Variants in AGBL2 observed in about 807,000 individuals in gnomAD.
AGBL2 encodes the protein AGBL carboxypeptidase 2.
Under a neutral mutation model 103.0 loss-of-function variants are expected in AGBL2, and 87 were observed. The observed-to-expected ratio is 0.84, with a 90% CI of 0.71 to 1.01. AGBL2 has a LOEUF of 1.01. Ranked by LOEUF, AGBL2 falls within the 50% of genes least tolerant of loss-of-function variation. AGBL2 has a pLI of 0.00. For missense variants in AGBL2, 904 were observed against 1,023.5 expected (o/e 0.88, Z 1.59); for synonymous variants, 335 against 356.7 (o/e 0.94, Z 0.69).
chr11:47,677,438 A>G lies in AGBL2; in HGVS notation c.2017-37T>C, dbSNP rs370083236. ...AAAAAAAGAACTATTTTGTTAATTC[A>G]TTTTATTTTATTTATTTATTATTAT... On this transcript the variant is annotated intron_variant, in intron 13 of 18. Coordinates refer to ENST00000525123, the MANE Select transcript of AGBL2 (RefSeq NM_024783.4). 1.7e-5 allele frequency: 22 copies of G among 1,277,514 alleles called. No individual in the cohort carries two copies. In the African/African-American group the frequency reaches 3.3e-4, roughly 19 times the overall value. The allele number at this position is 1,277,514 out of a possible 1,614,324, so 79.1% of individuals were successfully genotyped here.
Position 47,705,641 on chromosome 11 carries a change from C to CAAAA in AGBL2, c.287-11_287-8dup, listed in dbSNP as rs71228117. 396 of 412,462 alleles carry CAAAA rather than the reference C, an allele frequency of 9.6e-4. No individual in the cohort carries two copies. Among genetic ancestry groups the CAAAA allele is most frequent in the East Asian group, 6.3e-3 (163 of 25,778 alleles). 25.6% of individuals were successfully genotyped at this position (412,462 alleles called of 1,614,324 possible). ...CCCAGGCAAGAGTGAAAGTCTGTGT[C>CAAAA]AAAAAAAAAAAAAAAAGAAAAAGAA... On this transcript the variant is annotated splice_polypyrimidine_tract_variant and splice_region_variant and intron_variant, in intron 5 of 18. Transcript: ENST00000525123.
chr11:47,663,968 C>A (rs1440356250), intron 17 of AGBL2, among the ~76,000 whole-genome samples: 2 of 152,098 alleles, frequency 1.3e-5, no homozygotes, highest in Non-Finnish European at 2.9e-5. Flanking sequence ...GATTCTCCTG[C>A]CTCAGACTCC....
At chr11:47,672,557 C>T (rs946895912) in intron 14 of AGBL2, among the ~76,000 whole-genome samples, 1 of 152,088 alleles carries the variant, frequency 6.6e-6, no homozygotes, top group Non-Finnish European at 1.5e-5. Context: ...TAAAGTGATC[C>T]GCCCATCTTG....
intron 14 of AGBL2, among the ~76,000 whole-genome samples, chr11:47,676,313 A>G (rs2097374459): frequency 6.6e-6 from 1 of 152,126 alleles, no homozygotes; most frequent in South Asian, 2.1e-4. Flanking sequence ...ATTTCAAAAT[A>G]TATCTAGAAT....
intron 13 of AGBL2, among the ~76,000 whole-genome samples, chr11:47,678,131 T>G (rs2153803404): frequency 6.7e-6 from 1 of 149,536 alleles, no homozygotes; most frequent in South Asian, 2.1e-4. Context: ...GCCCAGCTAA[T>G]TTTTGTATTT....
chr11:47,678,322 T>TA (rs1337716031), intron 13 of AGBL2, among the ~76,000 whole-genome samples: 18 of 134,436 alleles, frequency 1.3e-4, no homozygotes, highest in South Asian at 5.7e-4. Context: ...TTTATTTTAT[T>TA]TTATTTTATT....
At chr11:47,699,618 TATAAA>T (rs2097490232) in intron 7 of AGBL2, 65 bp from the exon 8 acceptor site, 2 of 821,516 alleles carry the variant, frequency 2.4e-6, no homozygotes, top group African/African-American at 1.8e-5. Flanking sequence ...TCAGAACTAA[TATAAA>T]ATAATAATAA....
intron 13 of AGBL2, among the ~76,000 whole-genome samples, chr11:47,677,898 A>AT (rs961780993): frequency 3.9e-5 from 6 of 152,072 alleles, no homozygotes; most frequent in African/African-American, 1.4e-4. Context: ...ACAAATAGAA[A>AT]TTTTTTTAGG....
At chr11:47,691,873 T>C (rs1446852006) in intron 9 of AGBL2, among the ~76,000 whole-genome samples, 1 of 149,558 alleles carries the variant, frequency 6.7e-6, no homozygotes, top group African/African-American at 2.5e-5. Flanking sequence ...ATATTTTTAC[T>C]AATACAAATT....
At position 47,667,477 on chromosome 11, in the gene AGBL2, T is replaced by G. The variant is rs149671966; in HGVS notation, c.2340+94A>C. 1.4e-4 allele frequency: 208 copies of G among 1,443,584 alleles called. 3 individuals are homozygous for G. The African/African-American group carries it at 2.5e-3, about 17-fold the overall frequency. 89.4% of individuals were successfully genotyped at this position (1,443,584 alleles called of 1,614,324 possible). On this transcript the variant is annotated intron_variant, in intron 16 of 18. Transcript: ENST00000525123. ...CCCTCTGCCCCAATCTCCATCCCCT[T>G]TTTGGTTTAGAGTAAACTTTAACCC...
rs1599138730 is a variant in AGBL2 at position 47,714,791 on chromosome 11, C to G, written c.-100-41G>C. 1.2e-5 allele frequency: 10 copies of G among 829,098 alleles called. 1 individual carries two copies. The highest frequency in any genetic ancestry group is 5.0e-5 in the African/African-American group (3 of 59,586). The allele number at this position is 829,098 out of a possible 1,614,324, so 51.4% of individuals were successfully genotyped here. On this transcript the variant is annotated intron_variant, in intron 1 of 18. Coordinates refer to ENST00000525123, the MANE Select transcript of AGBL2 (RefSeq NM_024783.4). ...AGGACAAGTGAAAAAACTGCCAATA[C>G]CTCCCCGGGCGCCCCCCAGCTCCCT... is the stretch of plus-strand genomic sequence containing the variant.
chr11:47,669,142 A>T (rs2097349657), intron 14 of AGBL2, among the ~76,000 whole-genome samples: 1 of 152,080 alleles, frequency 6.6e-6, no homozygotes, highest in African/African-American at 2.4e-5. Flanking sequence ...ATCATAGATC[A>T]CTGCAGCCTT....
At chr11:47,666,326 G>A (rs926007891) in intron 17 of AGBL2, among the ~76,000 whole-genome samples, 1 of 151,464 alleles carries the variant, frequency 6.6e-6, no homozygotes, top group Non-Finnish European at 1.5e-5. Flanking sequence ...CCCAAGAGGT[G>A]GAAGTTGCAG....
intron 14 of AGBL2, among the ~76,000 whole-genome samples, chr11:47,672,761 G>T (rs952892541): frequency 6.6e-6 from 1 of 152,160 alleles, no homozygotes; most frequent in Non-Finnish European, 1.5e-5. Context: ...GGTCCCCAAA[G>T]AAATATTTGT....
intron 11 of AGBL2, among the ~76,000 whole-genome samples, chr11:47,684,248 T>C: frequency 6.9e-6 from 1 of 144,900 alleles, no homozygotes; most frequent in Non-Finnish European, 1.5e-5. Flanking sequence ...ACGATCTGGG[T>C]GACAGAGCAA....
At chr11:47,693,842 T>C (rs753172543) in intron 8 of AGBL2, among the ~76,000 whole-genome samples, 8 of 151,472 alleles carry the variant, frequency 5.3e-5, no homozygotes, top group Non-Finnish European at 8.8e-5. Flanking sequence ...CCAGGTGTCT[T>C]CTCCGTTCCA....
chr11:47,715,229 A>G lies in AGBL2; in HGVS notation c.-155T>C. ...CTTCGCGCCCCGGCCCGTCCCAAGC[A>G]GCACGGATGGCTGCGGCAGAGAAGC... is the stretch of plus-strand genomic sequence containing the variant. On this transcript the variant is annotated 5_prime_UTR_variant, in exon 1 of 19. Transcript: ENST00000525123. The G allele has an allele frequency of 6.4e-6, 1 of 156,118 alleles. No individual in the cohort carries two copies. Among genetic ancestry groups the G allele is most frequent in the Non-Finnish European group, 1.4e-5 (1 of 70,680 alleles). The allele number at this position is 156,118 out of a possible 1,614,324, so 9.7% of individuals were successfully genotyped here.
intron 4 of AGBL2, among the ~76,000 whole-genome samples, chr11:47,708,596 G>A (rs7121264): frequency 0.31 from 46,055 of 148,470 alleles, 8,491 homozygotes; most frequent in African/African-American, 0.52. Context: ...CAGGCGGGTC[G>A]CGAGGTCAAG....
At chr11:47,698,816 CTT>C (rs1336169695) in intron 8 of AGBL2, among the ~76,000 whole-genome samples, 10 of 151,874 alleles carry the variant, frequency 6.6e-5, no homozygotes, top group Non-Finnish European at 1.3e-4. Context: ...TGATTTCTAA[CTT>C]AATTTTATTA....
Sources: gnomAD v4.1 joint callset for allele counts (sites outside exome capture counted in the v4.1 genomes callset) on GRCh38, gnomAD v4.1.1 for gene constraint, MANE v1.5 for transcripts, NCBI Gene and HGNC (gene_info 2026-07-23, HGNC 2026-07-21) for gene names.